NKAIN3: variants seen among roughly 807,000 people sequenced by gnomAD.
NKAIN3 encodes the protein sodium/potassium transporting ATPase interacting 3.
A neutral mutation model predicts 30.2 loss-of-function variants in NKAIN3; 25 were observed. The observed-to-expected ratio is 0.83, with a 90% CI of 0.60 to 1.16. The LOEUF (loss-of-function observed/expected upper bound fraction) is 1.16, where lower values mean the gene tolerates loss of function less well. Ranked by LOEUF, NKAIN3 falls within the 50% of genes most tolerant of loss-of-function variation. NKAIN3 has a pLI of 0.00. For missense variants in NKAIN3, 225 were observed against 254.1 expected, an observed-to-expected ratio of 0.89 and a Z score of 0.78; for synonymous variants, 91 against 89.6, an observed-to-expected ratio of 1.02 and a Z score of -0.09.
chr8:62,283,045 C>G (rs1376642264), intron 1 of NKAIN3, among the ~76,000 whole-genome samples: 1 of 152,124 alleles, frequency 6.6e-6, no homozygotes, highest in South Asian at 2.1e-4. Flanking sequence ...TGCACCACAC[C>G]GTATTATTTA....
rs562040517 is a variant in NKAIN3, at chr8:62,823,705, G to T, written c.471+76576G>T. On this transcript the variant is annotated intron_variant, in intron 4 of 6. Coordinates refer to ENST00000623646, the MANE Select transcript of NKAIN3 (RefSeq NM_001304533.3). Reference sequence around the variant, plus strand: ...AGGAGTACCTTCCACCTTTATAATCGCTGGAGATTTGTATATTTAGGGCAA... The same window carrying T: ...AGGAGTACCTTCCACCTTTATAATCTCTGGAGATTTGTATATTTAGGGCAA... 5.9e-5 allele frequency among the ~76,000 whole-genome samples: 9 copies of T among 152,106 alleles called. No homozygotes were observed. The East Asian group carries it at 1.7e-3, about 29-fold the overall frequency.
intron 3 of NKAIN3, among the ~76,000 whole-genome samples, chr8:62,632,302 G>A (rs1490169440): frequency 6.6e-6 from 1 of 152,066 alleles, no homozygotes; most frequent in Non-Finnish European, 1.5e-5. Flanking sequence ...AAAAATTGAA[G>A]TGCTTATTAA....
intron 1 of NKAIN3, among the ~76,000 whole-genome samples, chr8:62,518,130 G>A (rs1183727988): frequency 6.6e-6 from 1 of 152,142 alleles, no homozygotes; most frequent in South Asian, 2.1e-4. Context: ...GAAGGCCAAG[G>A]TGGGAGGATC....
chr8:62,565,451 A>G (rs1377767966), intron 1 of NKAIN3, among the ~76,000 whole-genome samples: 2 of 152,070 alleles, frequency 1.3e-5, no homozygotes, highest in African/African-American at 4.8e-5. Context: ...CCAAAACAAC[A>G]ACTAAAGTTT....
At chr8:62,645,966 C>A (rs910398281) in intron 3 of NKAIN3, among the ~76,000 whole-genome samples, 1 of 152,006 alleles carries the variant, frequency 6.6e-6, no homozygotes, top group African/African-American at 2.4e-5. Context: ...TAATACTGCT[C>A]TCAAAATGTG....
chr8:62,368,776 A>G (rs1016679906), intron 1 of NKAIN3, among the ~76,000 whole-genome samples: 1 of 151,546 alleles, frequency 6.6e-6, no homozygotes, highest in Non-Finnish European at 1.5e-5. Context: ...ATTATCTCAA[A>G]ACTATTATTT....
chr8:62,896,519 T>G (rs969196386), intron 4 of NKAIN3, among the ~76,000 whole-genome samples: 2 of 152,154 alleles, frequency 1.3e-5, no homozygotes, highest in African/African-American at 4.8e-5. Flanking sequence ...CGTAAGTTTA[T>G]ACCAAGCCTT....
chr8:62,925,261 A>C (rs1822402502), intron 5 of NKAIN3, among the ~76,000 whole-genome samples: 1 of 152,218 alleles, frequency 6.6e-6, no homozygotes, highest in African/African-American at 2.4e-5. Context: ...ATAGGAAATC[A>C]GTGCATATTT....
intron 4 of NKAIN3, among the ~76,000 whole-genome samples, chr8:62,894,311 T>G (rs1821372118): frequency 2.0e-5 from 3 of 152,174 alleles, no homozygotes; most frequent in African/African-American, 7.2e-5. Context: ...ATTTTCACCT[T>G]TAGTGAAAAG....
intron 4 of NKAIN3, chr8:62,856,059 T>C: frequency 1.4e-6 from 1 of 698,214 alleles, no homozygotes; most frequent in Non-Finnish European, 2.6e-6. Context: ...TACCAAGGGC[T>C]TACACCCCAT....
At chr8:62,695,822 G>A (rs1335024758) in intron 3 of NKAIN3, among the ~76,000 whole-genome samples, 1 of 152,174 alleles carries the variant, frequency 6.6e-6, no homozygotes, top group Non-Finnish European at 1.5e-5. Flanking sequence ...AGCACTGAGG[G>A]TAGTCATGGT....
At chr8:62,614,776 A>T (rs1380157033) in intron 3 of NKAIN3, among the ~76,000 whole-genome samples, 1 of 151,826 alleles carries the variant, frequency 6.6e-6, no homozygotes, top group Non-Finnish European at 1.5e-5. Context: ...TTCATGTCGT[A>T]GCCACTGCTA....
chr8:62,627,014 G>C (rs968601583), intron 3 of NKAIN3, among the ~76,000 whole-genome samples: 1 of 152,164 alleles, frequency 6.6e-6, no homozygotes, highest in African/African-American at 2.4e-5. Flanking sequence ...GGTAGCCAGA[G>C]CTAGGAAAGA....
intron 3 of NKAIN3, among the ~76,000 whole-genome samples, chr8:62,694,788 T>C (rs758627866): frequency 6.6e-6 from 1 of 152,172 alleles, no homozygotes; most frequent in Non-Finnish European, 1.5e-5. Flanking sequence ...CTCATAGCTT[T>C]ATTATCTGTG....
chr8:62,319,283 C>T (rs1451876151), intron 1 of NKAIN3, among the ~76,000 whole-genome samples: 2 of 152,152 alleles, frequency 1.3e-5, no homozygotes, highest in Non-Finnish European at 1.5e-5. Context: ...AAAAAACCCG[C>T]TGCTGGATTC....
chr8:62,532,166 T>C (rs1249948883), intron 1 of NKAIN3, among the ~76,000 whole-genome samples: 1 of 152,156 alleles, frequency 6.6e-6, no homozygotes, highest in African/African-American at 2.4e-5. Flanking sequence ...TGTTTGTCGG[T>C]GTTGTCCATG....
At chr8:62,752,447 A>C (rs532888807) in intron 4 of NKAIN3, among the ~76,000 whole-genome samples, 1 of 152,196 alleles carries the variant, frequency 6.6e-6, no homozygotes. Flanking sequence ...TGTGATCTTC[A>C]TAGGACACGG....
At chr8:62,623,034 G>A (rs1382854541) in intron 3 of NKAIN3, among the ~76,000 whole-genome samples, 1 of 151,912 alleles carries the variant, frequency 6.6e-6, no homozygotes, top group Non-Finnish European at 1.5e-5. Flanking sequence ...CTGTGTGTGT[G>A]TCAAATAAAA....
chr8:62,470,386 A>T (rs1806291777), intron 1 of NKAIN3, among the ~76,000 whole-genome samples: 1 of 152,156 alleles, frequency 6.6e-6, no homozygotes, highest in East Asian at 1.9e-4. Flanking sequence ...AAATATAGTA[A>T]TTGGGAACAA....
Sources: allele counts gnomAD v4.1 joint callset (sites outside exome capture counted in the v4.1 genomes callset), GRCh38; gene constraint gnomAD v4.1.1; transcripts MANE v1.5; gene names NCBI Gene and HGNC (gene_info 2026-07-23, HGNC 2026-07-21).